The following TMTC1 variants were observed in gnomAD, a reference collection of about 807,000 sequenced individuals.
TMTC1 encodes the protein protein O-mannosyl-transferase TMTC1.
A neutral mutation model predicts 104.8 loss-of-function variants in TMTC1; 73 were observed. The observed-to-expected ratio is 0.70, with a 90% CI of 0.58 to 0.85. The LOEUF (loss-of-function observed/expected upper bound fraction) is 0.85. Ranked by LOEUF, TMTC1 falls within the 40% of genes least tolerant of loss-of-function variation. TMTC1 has a pLI of 0.00. For missense variants in TMTC1, 1,035 were observed against 1,096.1 expected, an observed-to-expected ratio of 0.94 and a Z score of 0.79; for synonymous variants, 434 against 428.7, an observed-to-expected ratio of 1.01 and a Z score of -0.15.
chr12:29,605,918 T>G (rs1045329865), intron 6 of TMTC1, among the ~76,000 whole-genome samples: 5 of 152,188 alleles, frequency 3.3e-5, no homozygotes, highest in Non-Finnish European at 7.3e-5. Flanking sequence ...TACGTCTGTG[T>G]GTACCCAAGG....
At chr12:29,731,715 C>A (rs538608505) in intron 5 of TMTC1, among the ~76,000 whole-genome samples, 1 of 152,116 alleles carries the variant, frequency 6.6e-6, no homozygotes, top group Non-Finnish European at 1.5e-5. Flanking sequence ...TGAAATGCTG[C>A]GATACAGCTA....
chr12:29,780,236 AAAC>A (rs1439915094), intron 1 of TMTC1, among the ~76,000 whole-genome samples: 1 of 152,240 alleles, frequency 6.6e-6, no homozygotes, highest in Admixed American at 6.5e-5. Context: ...CAAAAGTTGG[AAAC>A]AACCTAGATG....
chr12:29,633,208 G>A lies in TMTC1; in HGVS notation c.1067C>T (p.Ala356Val). The A allele has an allele frequency of 6.2e-7, 1 of 1,614,042 alleles. No individual in the cohort carries two copies. The highest frequency in any genetic ancestry group is 8.5e-7 in the Non-Finnish European group (1 of 1,179,970). Residue 356 changes from alanine (A) to valine (V), a missense_variant, in exon 6 of 18, where the codon GCC becomes GTC. Transcript: ENST00000539277. ...VETIWDMRNL[A>V]TIFLAVVMAL... The stretch of plus-strand genomic sequence containing the variant: ...CATCACAACCGCCAGAAAGATGGTG[G>A]CTAAGTTCCGCATGTCCCATATGGT...
At chr12:29,674,118 A>G (rs938723069) in intron 5 of TMTC1, among the ~76,000 whole-genome samples, 3 of 152,102 alleles carry the variant, frequency 2.0e-5, no homozygotes, top group African/African-American at 7.2e-5. Flanking sequence ...AGTACTCTTG[A>G]CAACACAGAG....
intron 5 of TMTC1, among the ~76,000 whole-genome samples, chr12:29,717,024 A>AAAAC (rs369846215): frequency 1.6e-4 from 24 of 152,160 alleles, no homozygotes; most frequent in African/African-American, 2.4e-4. Context: ...TCCGTCTCAA[A>AAAAC]AAACAAACAA....
chr12:29,507,029 C>A (rs1467618872), intron 17 of TMTC1, 43 bp from the exon 18 acceptor site: 1 of 1,567,318 alleles, frequency 6.4e-7, no homozygotes, highest in African/African-American at 1.4e-5. Context: ...TGATCCATCA[C>A]AAAACTCTCT....
At chr12:29,635,079 A>C (rs537605338) in intron 5 of TMTC1, among the ~76,000 whole-genome samples, 1 of 152,070 alleles carries the variant, frequency 6.6e-6, no homozygotes, top group East Asian at 1.9e-4. Context: ...ATGATGTTCA[A>C]CTCTTTCCCC....
At chr12:29,768,495 A>T (rs1488401793) in intron 1 of TMTC1, among the ~76,000 whole-genome samples, 1 of 152,230 alleles carries the variant, frequency 6.6e-6, no homozygotes, top group East Asian at 1.9e-4. Context: ...AGATGAACAG[A>T]AACCATGAAA....
intron 6 of TMTC1, among the ~76,000 whole-genome samples, chr12:29,614,902 A>G (rs12819780): frequency 0.24 from 36,811 of 152,156 alleles, 5,105 homozygotes; most frequent in East Asian, 0.37. Flanking sequence ...AAGTGAAGAC[A>G]TTGTCATTGT....
At chr12:29,593,901 T>A (rs1243608686) in intron 7 of TMTC1, among the ~76,000 whole-genome samples, 1 of 152,256 alleles carries the variant, frequency 6.6e-6, no homozygotes, top group African/African-American at 2.4e-5. Context: ...GGCTGCTTCA[T>A]AAGCGTAGTT....
intron 5 of TMTC1, among the ~76,000 whole-genome samples, chr12:29,680,096 C>T (rs571976499): frequency 4.6e-4 from 70 of 152,236 alleles, no homozygotes; most frequent in African/African-American, 1.5e-3. Context: ...TAAGTAATTA[C>T]GCTGGTGTCG....
At chr12:29,642,406 C>A (rs1474517083) in intron 5 of TMTC1, among the ~76,000 whole-genome samples, 1 of 152,104 alleles carries the variant, frequency 6.6e-6, no homozygotes, top group Admixed American at 6.6e-5. Flanking sequence ...AGCAGAAACC[C>A]TACAAGCTAG....
At chr12:29,658,539 C>T (rs2136632333) in intron 5 of TMTC1, 1 of 163,320 alleles carries the variant, frequency 6.1e-6, no homozygotes, top group South Asian at 1.6e-4. Flanking sequence ...CATTAAATCG[C>T]TTAGCAAGAA....
chr12:29,775,964 C>G (rs1943697794), intron 1 of TMTC1, among the ~76,000 whole-genome samples: 1 of 152,092 alleles, frequency 6.6e-6, no homozygotes, highest in Non-Finnish European at 1.5e-5. Flanking sequence ...TCCAAGGGAT[C>G]AGAAGTTTCC....
At chr12:29,769,353 T>C (rs1943545103) in intron 1 of TMTC1, among the ~76,000 whole-genome samples, 1 of 152,202 alleles carries the variant, frequency 6.6e-6, no homozygotes, top group Non-Finnish European at 1.5e-5. Context: ...GATGCAAGAT[T>C]TGACTCAGCT....
At chr12:29,565,949 A>C (rs1187374268) in intron 9 of TMTC1, among the ~76,000 whole-genome samples, 1 of 152,234 alleles carries the variant, frequency 6.6e-6, no homozygotes, top group Non-Finnish European at 1.5e-5. Context: ...ACTCTCCTTC[A>C]TGCTGGGGAT....
chr12:29,669,597 A>G (rs1258314290), intron 5 of TMTC1, among the ~76,000 whole-genome samples: 2 of 152,242 alleles, frequency 1.3e-5, no homozygotes, highest in East Asian at 3.8e-4. Flanking sequence ...GTTCAAGTAG[A>G]TAGAGAGACC....
At chr12:29,671,646 A>T (rs893922207) in intron 5 of TMTC1, among the ~76,000 whole-genome samples, 9 of 152,200 alleles carry the variant, frequency 5.9e-5, no homozygotes, top group African/African-American at 2.2e-4. Context: ...AAGTGAATTC[A>T]CTTGCCCAGG....
chr12:29,609,576 A>T (rs1314912036), intron 6 of TMTC1, among the ~76,000 whole-genome samples: 1 of 152,260 alleles, frequency 6.6e-6, no homozygotes, highest in Non-Finnish European at 1.5e-5. Context: ...CTTTGAATCC[A>T]CAAAAGCCCT....
Sources: gnomAD v4.1 joint callset for allele counts (sites outside exome capture counted in the v4.1 genomes callset) on GRCh38, gnomAD v4.1.1 for gene constraint, MANE v1.5 for transcripts, NCBI Gene and HGNC (gene_info 2026-07-23, HGNC 2026-07-21) for gene names.